Variants in REPS2 observed in about 807,000 individuals in gnomAD.
REPS2 encodes the protein ralBP1-associated Eps domain-containing protein 2.
REPS2 carries 23 observed loss-of-function variants against 53.6 expected under a neutral mutation model. The ratio of observed to expected loss-of-function variants is 0.43; its 90% CI spans 0.31 to 0.61. REPS2 has a LOEUF of 0.61. REPS2 is among the 20% of genes least tolerant of loss of function. The pLI, the probability that REPS2 is intolerant of heterozygous loss-of-function variation, is 0.11. For missense variants in REPS2, 446 were observed against 534.9 expected, an observed-to-expected ratio of 0.83 and a Z score of 1.64; for synonymous variants, 238 against 218.6, an observed-to-expected ratio of 1.09 and a Z score of -0.78.
the REPS2 span, among the ~76,000 whole-genome samples, chrX:17,192,518 C>A: frequency 9.0e-6 from 1 of 111,521 alleles, no homozygotes; most frequent in African/African-American, 3.3e-5. Context: ...TCCACAGATC[C>A]ACAGATGAGA....
At chrX:16,951,548 C>CAA (rs2060509634) in intron 1 of REPS2, among the ~76,000 whole-genome samples, 28 of 33,126 alleles carry the variant, frequency 8.5e-4, no homozygotes, top group African/African-American at 1.5e-3. Context: ...CACACACACA[C>CAA]ACACACACAC....
intron 8 of REPS2, among the ~76,000 whole-genome samples, chrX:17,056,691 T>C (rs984133061): frequency 3.7e-5 from 1 of 26,956 alleles, no homozygotes; most frequent in Middle Eastern, 0.021. Context: ...TGAGACTCTG[T>C]CTAAAAAAAA....
At chrX:17,074,325 T>C (rs766480998) in intron 12 of REPS2, among the ~76,000 whole-genome samples, 166 bp downstream of exon 12, 1 of 112,351 alleles carries the variant, frequency 8.9e-6, no homozygotes, top group South Asian at 3.7e-4. Flanking sequence ...CATGCAGTAA[T>C]GCTGGGAGCC....
intron 14 of REPS2, among the ~76,000 whole-genome samples, chrX:17,128,748 G>A (rs192525306): frequency 3.5e-5 from 4 of 112,960 alleles, no homozygotes; most frequent in East Asian, 2.8e-4. Flanking sequence ...GGGAATGGTC[G>A]AAGACCCAGG....
chrX:16,979,029 A>G (rs1378443915), intron 1 of REPS2, among the ~76,000 whole-genome samples: 1 of 112,260 alleles, frequency 8.9e-6, no homozygotes, highest in Admixed American at 9.5e-5. Context: ...GCCATAAAAA[A>G]GGAAATTTCC....
intron 1 of REPS2, among the ~76,000 whole-genome samples, chrX:16,962,676 C>T (rs2060680372): frequency 9.0e-6 from 1 of 111,728 alleles, no homozygotes; most frequent in Admixed American, 9.5e-5. Flanking sequence ...CCTCTTCTCC[C>T]CACAAAGGTA....
intron 1 of REPS2, among the ~76,000 whole-genome samples, chrX:16,954,081 G>C (rs1470712548): frequency 9.0e-6 from 1 of 110,799 alleles, no homozygotes; most frequent in Non-Finnish European, 1.9e-5. Flanking sequence ...AGGCTCCCGA[G>C]TAGCTGGGAA....
At chrX:17,124,799 TAA>T (rs1274797792) in intron 14 of REPS2, among the ~76,000 whole-genome samples, 1 of 95,914 alleles carries the variant, frequency 1.0e-5, no homozygotes, top group African/African-American at 3.8e-5. Flanking sequence ...ATTGCAAACC[TAA>T]AAAAAAAAAA....
chrX:17,048,722 A>T (rs1228903061), intron 6 of REPS2, among the ~76,000 whole-genome samples: 1 of 112,244 alleles, frequency 8.9e-6, no homozygotes, highest in Non-Finnish European at 1.9e-5. Context: ...TGCTGTAGCC[A>T]TCATGATGTT....
intron 1 of REPS2, among the ~76,000 whole-genome samples, chrX:16,968,934 C>T (rs1444889434): frequency 6.8e-5 from 7 of 103,230 alleles, no homozygotes; most frequent in Admixed American, 2.0e-4. Flanking sequence ...TCAGACGGGG[C>T]GGCTGCCGGG....
chrX:16,994,573 C>G (rs766458408), intron 1 of REPS2, among the ~76,000 whole-genome samples: 1 of 111,154 alleles, frequency 9.0e-6, no homozygotes, highest in South Asian at 3.7e-4. Flanking sequence ...AATGGAAAAC[C>G]GAACGTTGTA....
rs1569083818 is a variant in REPS2, at chrX:16,951,554, CA to C, written c.273+4421del. The stretch of plus-strand genomic sequence containing the variant: ...ACACACACACACACACACACACACA[CA>C]CACACCCCCGCTACCTACCTCTCTC... On this transcript the variant is annotated intron_variant, in intron 1 of 17. Coordinates refer to ENST00000357277, the MANE Select transcript of REPS2 (RefSeq NM_004726.3). Among the ~76,000 whole-genome samples, 137 of 30,023 alleles carry C rather than the reference CA, an allele frequency of 4.6e-3. 4 individuals are homozygous for C. The highest frequency in any genetic ancestry group is 0.045 in the East Asian group (15 of 330). 26.1% of individuals were successfully genotyped at this position (30,023 alleles called of 115,157 possible). A position where few individuals can be genotyped will look rare whatever the true frequency, so the allele number is the denominator to read the frequency against.
intron 1 of REPS2, among the ~76,000 whole-genome samples, chrX:17,003,942 G>T (rs933950324): frequency 5.4e-5 from 6 of 111,908 alleles, no homozygotes; most frequent in African/African-American, 1.6e-4. Flanking sequence ...GAATTTTTCT[G>T]ATTTGTATCC....
At chrX:17,127,127 A>G (rs774485189) in intron 14 of REPS2, among the ~76,000 whole-genome samples, 2 of 111,922 alleles carry the variant, frequency 1.8e-5, no homozygotes, top group East Asian at 5.6e-4. Context: ...TGCACTCACA[A>G]CATTCCAAAA....
intron 14 of REPS2, among the ~76,000 whole-genome samples, chrX:17,123,180 A>G (rs1020384151): frequency 9.0e-6 from 1 of 111,272 alleles, no homozygotes; most frequent in East Asian, 2.8e-4. Context: ...TCTTTCTTCA[A>G]CCTCATCCCT....
At chrX:17,051,954 T>C (rs898398152) in intron 6 of REPS2, among the ~76,000 whole-genome samples, 11 of 112,448 alleles carry the variant, frequency 9.8e-5, no homozygotes, top group Non-Finnish European at 3.8e-5. Flanking sequence ...GTCTGTCTTA[T>C]CTCTGTGTGG....
intron 13 of REPS2, among the ~76,000 whole-genome samples, chrX:17,098,210 G>T (rs2062734765): frequency 9.0e-6 from 1 of 111,523 alleles, no homozygotes; most frequent in Admixed American, 9.5e-5. Flanking sequence ...GTCTGCAAGG[G>T]TGTTTTAATA....
chrX:17,163,138 G>A, the REPS2 span, among the ~76,000 whole-genome samples: 1 of 111,539 alleles, frequency 9.0e-6, no homozygotes, highest in Non-Finnish European at 1.9e-5. Context: ...TGAGAATGTT[G>A]TCTCACCAAA....
At position 17,102,325 on chromosome X, in the gene REPS2, G is replaced by A. The variant is rs1290581119; in HGVS notation, c.1517-1393G>A. ...TCAAACTCCTGAGCTCAAGGGATCC[G>A]CCTACCTTGGCCTCCCAAAGTGCTA... On this transcript the variant is annotated intron_variant, in intron 13 of 17. Transcript: ENST00000357277. Among the ~76,000 whole-genome samples, 9 of 111,530 alleles carry A rather than the reference G, an allele frequency of 8.1e-5. 1 individual carries two copies. The highest frequency in any genetic ancestry group is 5.7e-4 in the Admixed American group (6 of 10,456).
Sources: allele counts gnomAD v4.1 joint callset (sites outside exome capture counted in the v4.1 genomes callset), GRCh38; gene constraint gnomAD v4.1.1; transcripts MANE v1.5; gene names NCBI Gene and HGNC (gene_info 2026-07-23, HGNC 2026-07-21).